ZNF33B: variants seen among roughly 807,000 people sequenced by gnomAD.
ZNF33B encodes the protein zinc finger protein 11b (KOX 2).
In ZNF33B, 29 loss-of-function variants were observed where a neutral mutation model predicts 45.8. The observed-to-expected ratio is 0.63, with a 90% CI of 0.47 to 0.86. ZNF33B has a LOEUF of 0.86. Among genes scored for constraint, ZNF33B ranks in the 40% least tolerant of loss-of-function variants. The pLI, the probability that ZNF33B is intolerant of heterozygous loss-of-function variation, is 0.00. For synonymous variants in ZNF33B, 305 were observed against 307.8 expected (o/e 0.99, Z 0.10); for missense variants, 831 against 909.9 (o/e 0.91, Z 1.12).
rs1839447384 is a variant in ZNF33B, at chr10:42,638,455, C to T, written c.-45+19G>A. The T allele has an allele frequency of 7.7e-6, 3 of 387,424 alleles. No homozygotes were observed. The highest frequency in any genetic ancestry group is 1.5e-5 in the Non-Finnish European group (3 of 194,418). 24.0% of individuals were successfully genotyped at this position (387,424 alleles called of 1,614,324 possible). On this transcript the variant is annotated intron_variant, in intron 1 of 4. Transcript: ENST00000359467. ...CGCGGGGCCCCCTCTCCGTCCCTGC[C>T]CAACCCGCGGAGGCTTACCTCACTC...
In ZNF33B at chr10:42,593,264, A is replaced by G. The variant is rs1275425324; in HGVS notation, c.1686T>C (p.Phe562=). 1.2e-6 allele frequency: 2 copies of G among 1,613,766 alleles called. No homozygotes were observed. Among genetic ancestry groups the G allele is most frequent in the Admixed American group, 1.7e-5 (1 of 59,968 alleles). Residue 562 remains phenylalanine, a synonymous_variant, in exon 5 of 5, where the codon TTT becomes TTC. Transcript: ENST00000359467. ...GTTGAGAGAGGGTTGACTTATGGCT[A>G]AAGAATTTCCCACATTCAGGACATG... ...PFACPECGKF[F]SHKSTLSQHY...
intron 4 of ZNF33B, among the ~76,000 whole-genome samples, chr10:42,603,182 G>C (rs1357400036): frequency 6.6e-6 from 1 of 152,108 alleles, no homozygotes; most frequent in Non-Finnish European, 1.5e-5. Context: ...CACCCACCCA[G>C]AGAAAAGCAA....
In ZNF33B at chr10:42,589,957, G is replaced by A. The variant is rs12571722; in HGVS notation, c.*2656C>T. 1 of 152,188 alleles carries A rather than the reference G, an allele frequency of 6.6e-6. No individual in the cohort carries two copies. The highest frequency in any genetic ancestry group is 2.4e-5 in the African/African-American group (1 of 41,448). 9.4% of individuals were successfully genotyped at this position (152,188 alleles called of 1,614,324 possible). On this transcript the variant is annotated 3_prime_UTR_variant, in exon 5 of 5. Coordinates refer to ENST00000359467, the MANE Select transcript of ZNF33B (RefSeq NM_006955.3). Reference sequence around the variant, plus strand: ...TTGTAGTAGTTCTTTATCAAATTGAGTAAGTTCTCCTGTATTCCTTCTGTG... The same window carrying A: ...TTGTAGTAGTTCTTTATCAAATTGAATAAGTTCTCCTGTATTCCTTCTGTG...
chr10:42,622,792 C>A (rs1489549317), intron 4 of ZNF33B, among the ~76,000 whole-genome samples: 1 of 152,104 alleles, frequency 6.6e-6, no homozygotes, highest in Non-Finnish European at 1.5e-5. Flanking sequence ...TGGATTTCCA[C>A]ATGAAAATAA....
intron 4 of ZNF33B, among the ~76,000 whole-genome samples, chr10:42,598,318 G>C (rs1837483244): frequency 1.3e-5 from 2 of 152,372 alleles, no homozygotes; most frequent in African/African-American, 4.8e-5. Context: ...GACAGACTTA[G>C]GGGAGAGACA....
chr10:42,633,236 G>C (rs1323889991), intron 2 of ZNF33B, among the ~76,000 whole-genome samples: 1 of 152,180 alleles, frequency 6.6e-6, no homozygotes, highest in East Asian at 1.9e-4. Context: ...AAAATGGAAA[G>C]ATCTTGGAAC....
chr10:42,629,362 T>G (rs1483307769), intron 4 of ZNF33B, among the ~76,000 whole-genome samples: 1 of 152,100 alleles, frequency 6.6e-6, no homozygotes, highest in African/African-American at 2.4e-5. Flanking sequence ...TTAGAAAGAA[T>G]GAATAAGACC....
intron 1 of ZNF33B, among the ~76,000 whole-genome samples, chr10:42,576,194 TC>T (rs1165844129): frequency 6.6e-6 from 1 of 151,752 alleles, no homozygotes; most frequent in African/African-American, 2.4e-5. Context: ...TCACCATGTT[TC>T]CCAGGGTGGT....
downstream of ZNF33B, among the ~76,000 whole-genome samples, chr10:42,584,119 C>T (rs957585363): frequency 6.6e-6 from 1 of 152,230 alleles, no homozygotes; most frequent in African/African-American, 2.4e-5. Flanking sequence ...GCACCAAGGG[C>T]CATCCTGCAC....
At chr10:42,576,455 C>A (rs914203660) in intron 1 of ZNF33B, among the ~76,000 whole-genome samples, 1 of 152,156 alleles carries the variant, frequency 6.6e-6, no homozygotes, top group Admixed American at 6.5e-5. Context: ...GTGCAACATG[C>A]CTGGCATCTC....
chr10:42,621,985 A>G (rs1294523401), intron 4 of ZNF33B, among the ~76,000 whole-genome samples: 2 of 152,236 alleles, frequency 1.3e-5, no homozygotes, highest in Non-Finnish European at 2.9e-5. Context: ...TGAATTCTGC[A>G]AAGTTGCAGG....
intron 2 of ZNF33B, among the ~76,000 whole-genome samples, chr10:42,633,163 T>C (rs984265441): frequency 2.6e-5 from 4 of 152,224 alleles, no homozygotes; most frequent in African/African-American, 9.6e-5. Flanking sequence ...GACATTTTCT[T>C]CATCGCAGTA....
chr10:42,636,833 C>T, intron 2 of ZNF33B, 87 bp downstream of exon 2: 1 of 1,579,166 alleles, frequency 6.3e-7, no homozygotes, highest in South Asian at 1.1e-5. Flanking sequence ...ATGTCACAAA[C>T]AAAACAAAAC....
At chr10:42,596,271 T>C (rs1440436573) in intron 4 of ZNF33B, among the ~76,000 whole-genome samples, 1 of 152,068 alleles carries the variant, frequency 6.6e-6, no homozygotes, top group Non-Finnish European at 1.5e-5. Flanking sequence ...AACAGTTTTC[T>C]CTAAAACATA....
At chr10:42,602,309 TG>T (rs1311019072) in intron 4 of ZNF33B, among the ~76,000 whole-genome samples, 5 of 146,882 alleles carry the variant, frequency 3.4e-5, no homozygotes, top group South Asian at 2.1e-4. Context: ...AATTTTGATT[TG>T]TTTTTTTTTT....
At chr10:42,618,167 A>T (rs1460977943) in intron 4 of ZNF33B, among the ~76,000 whole-genome samples, 3 of 152,220 alleles carry the variant, frequency 2.0e-5, no homozygotes, top group African/African-American at 7.2e-5. Context: ...AGGAGGGTTC[A>T]TCCCAACTCT....
chr10:42,603,824 G>C (rs115617277), intron 4 of ZNF33B, among the ~76,000 whole-genome samples: 2,556 of 152,320 alleles, frequency 0.017, 77 homozygotes, highest in African/African-American at 0.059. Context: ...CCACTGCCAT[G>C]CTAAAGATAG....
At chr10:42,579,954 A>G (rs182976257) in intron 1 of ZNF33B, 1 of 154,490 alleles carries the variant, frequency 6.5e-6, no homozygotes, top group African/African-American at 2.4e-5. Flanking sequence ...GAATGAACTG[A>G]AAACTAAGAC....
At chr10:42,621,143 G>A (rs575298118) in intron 4 of ZNF33B, among the ~76,000 whole-genome samples, 153 of 137,016 alleles carry the variant, frequency 1.1e-3, no homozygotes, top group African/African-American at 4.1e-3. Flanking sequence ...GCAACATAGT[G>A]AGACCCTGTT....
Sources: gnomAD v4.1 joint callset for allele counts (sites outside exome capture counted in the v4.1 genomes callset) on GRCh38, gnomAD v4.1.1 for gene constraint, MANE v1.5 for transcripts, NCBI Gene and HGNC (gene_info 2026-07-23, HGNC 2026-07-21) for gene names.